Variants in ZSCAN4 observed in about 807,000 individuals in gnomAD.
ZSCAN4 encodes zinc finger and SCAN domain containing 4.
ZSCAN4 carries 18 observed loss-of-function variants against 18.3 expected under a neutral mutation model. The observed-to-expected ratio is 0.98, with a 90% CI of 0.68 to 1.46. The LOEUF (loss-of-function observed/expected upper bound fraction) is 1.46. Ranked by LOEUF, ZSCAN4 falls within the 40% of genes most tolerant of loss-of-function variation. The probability of loss-of-function intolerance (pLI) is 0.00; values close to 1 mark genes in which losing one functional copy is unlikely to be tolerated. For missense variants in ZSCAN4, 498 were observed against 511.4 expected (o/e 0.97, Z 0.25); for synonymous variants, 193 against 180.3 (o/e 1.07, Z -0.57).
exon 3 of ZSCAN4, chr19:57,676,426 T>G (rs1357633631): frequency 6.2e-7 from 1 of 1,614,086 alleles, no homozygotes; most frequent in South Asian, 1.1e-5. Context: ...CAGTTTATGA[T>G]TGGTGGCCAC....
At chr19:57,673,969 G>T (rs1984102622) in intron 2 of ZSCAN4, among the ~76,000 whole-genome samples, 1 of 152,070 alleles carries the variant, frequency 6.6e-6, no homozygotes, top group African/African-American at 2.4e-5. Context: ...GGCAAGGCTG[G>T]TCTTGAACTC....
chr19:57,675,919 T>C (rs1412753181), intron 2 of ZSCAN4, 122 bp from the exon 3 acceptor site: 2 of 453,236 alleles, frequency 4.4e-6, no homozygotes, highest in Non-Finnish European at 7.8e-6. Context: ...GGAGAGTTTA[T>C]GTTAAGTTAT....
chr19:57,678,670 G>T, exon 5 of ZSCAN4: 1 of 1,614,056 alleles, frequency 6.2e-7, no homozygotes, highest in Non-Finnish European at 8.5e-7. Flanking sequence ...TCAGACCTAC[G>T]GGTGCATCAG....
At chr19:57,675,524 C>T (rs998348117) in intron 2 of ZSCAN4, among the ~76,000 whole-genome samples, 4 of 152,146 alleles carry the variant, frequency 2.6e-5, no homozygotes, top group South Asian at 4.1e-4. Flanking sequence ...TCAAGTGATC[C>T]GCCCTCCTCG....
At chr19:57,654,347 A>G in the ZSCAN4 span, among the ~76,000 whole-genome samples, 2 of 151,412 alleles carry the variant, frequency 1.3e-5, no homozygotes, top group Non-Finnish European at 2.9e-5. Flanking sequence ...CCTCTCCCTC[A>G]TCTTCCTTAT....
the ZSCAN4 span, among the ~76,000 whole-genome samples, chr19:57,662,646 C>A: frequency 6.6e-6 from 1 of 152,160 alleles, no homozygotes; most frequent in African/African-American, 2.4e-5. Context: ...ACTGCAGCCT[C>A]CTCCTCCTGG....
upstream of ZSCAN4, among the ~76,000 whole-genome samples, chr19:57,667,478 G>A (rs1291894556): frequency 6.6e-6 from 1 of 152,174 alleles, no homozygotes; most frequent in Non-Finnish European, 1.5e-5. Context: ...TTAAAATGGA[G>A]TTATTTAGGA....
the ZSCAN4 span, among the ~76,000 whole-genome samples, chr19:57,654,058 T>G: frequency 1.3e-5 from 2 of 152,224 alleles, no homozygotes; most frequent in Non-Finnish European, 2.9e-5. Context: ...TGTTGGATAC[T>G]GGGCAACATA....
the ZSCAN4 span, among the ~76,000 whole-genome samples, chr19:57,653,342 A>C: frequency 4.1e-5 from 6 of 145,320 alleles, no homozygotes; most frequent in Non-Finnish European, 5.9e-5. Context: ...AGCTGAGATC[A>C]CTCCACTGCA....
At chr19:57,657,885 CT>C in the ZSCAN4 span, among the ~76,000 whole-genome samples, 1 of 152,068 alleles carries the variant, frequency 6.6e-6, no homozygotes, top group East Asian at 1.9e-4. Flanking sequence ...AGTGTAAATG[CT>C]GTTTAAATAG....
At chr19:57,652,634 T>G in the ZSCAN4 span, among the ~76,000 whole-genome samples, 1 of 151,806 alleles carries the variant, frequency 6.6e-6, no homozygotes, top group African/African-American at 2.4e-5. Flanking sequence ...TCATCCTCCA[T>G]TCTCCCTTCT....
chr19:57,675,486 T>G (rs1358779081), intron 2 of ZSCAN4, among the ~76,000 whole-genome samples: 1 of 152,176 alleles, frequency 6.6e-6, no homozygotes, highest in East Asian at 1.9e-4. Context: ...CTCACCATGT[T>G]GGCCAGGCTA....
chr19:57,662,991 T>C, the ZSCAN4 span, among the ~76,000 whole-genome samples: 2 of 152,016 alleles, frequency 1.3e-5, no homozygotes, highest in Non-Finnish European at 1.5e-5. Context: ...CAAGAGATCC[T>C]CCTGCCTCAG....
chr19:57,673,222 T>C (rs1984077117), intron 2 of ZSCAN4, among the ~76,000 whole-genome samples: 2 of 152,082 alleles, frequency 1.3e-5, no homozygotes, highest in Admixed American at 1.3e-4. Context: ...CTAATTTTTG[T>C]ATTTTTAGTA....
At chr19:57,676,343 T>C (rs1453590571) in exon 3 of ZSCAN4, 4 of 1,614,044 alleles carry the variant, frequency 2.5e-6, no homozygotes, top group Non-Finnish European at 3.4e-6. Context: ...AAAGACTTTA[T>C]AGGATCTTTC....
At chr19:57,654,201 C>G in the ZSCAN4 span, among the ~76,000 whole-genome samples, 1 of 152,200 alleles carries the variant, frequency 6.6e-6, no homozygotes, top group South Asian at 2.1e-4. Flanking sequence ...GCTTCACCCA[C>G]TCATTCCTGG....
chr19:57,654,864 A>G, the ZSCAN4 span, among the ~76,000 whole-genome samples: 1 of 152,296 alleles, frequency 6.6e-6, no homozygotes, highest in East Asian at 1.9e-4. Context: ...GGGGGCTGGA[A>G]TAGCCCCTGC....
At chr19:57,673,147 C>T (rs2122298726) in intron 2 of ZSCAN4, among the ~76,000 whole-genome samples, 1 of 148,184 alleles carries the variant, frequency 6.7e-6, no homozygotes, top group South Asian at 2.1e-4. Flanking sequence ...CTCCTGGGTT[C>T]AAGCGATTCT....
chr19:57,679,005 T>G, exon 5 of ZSCAN4: 1 of 1,312,698 alleles, frequency 7.6e-7, no homozygotes, highest in South Asian at 1.8e-5. Flanking sequence ...TGATTATGCT[T>G]TCAATTTATT....
Sources: gnomAD v4.1 joint callset for allele counts (sites outside exome capture counted in the v4.1 genomes callset) on GRCh38, gnomAD v4.1.1 for gene constraint, MANE v1.5 for transcripts, NCBI Gene and HGNC (gene_info 2026-07-23, HGNC 2026-07-21) for gene names.